The following CSMD3 variants were observed in gnomAD, a reference collection of about 807,000 sequenced individuals.
CSMD3 encodes the protein CUB and Sushi multiple domains 3, also known as CUB and sushi domain-containing protein 3.
Under a neutral mutation model 435.2 loss-of-function variants are expected in CSMD3, and 177 were observed. The observed-to-expected ratio is 0.41, with a 90% CI of 0.36 to 0.46. The LOEUF (loss-of-function observed/expected upper bound fraction) is 0.46, where lower values mean the gene tolerates loss of function less well. Ranked by LOEUF, CSMD3 falls within the 20% of genes least tolerant of loss-of-function variation. The probability of loss-of-function intolerance (pLI) is 0.34; values close to 1 mark genes in which losing one functional copy is unlikely to be tolerated. For synonymous variants in CSMD3, 1,656 were observed against 1,520.5 expected (o/e 1.09, Z -2.07); for missense variants, 4,265 against 4,504.6 (o/e 0.95, Z 1.52).
chr8:112,518,629 TGAGA>T (rs3080191), intron 27 of CSMD3, among the ~76,000 whole-genome samples: 2,103 of 124,158 alleles, frequency 0.017, 37 homozygotes, highest in African/African-American at 0.047. Context: ...TGTGTGTGTG[TGAGA>T]GAGAGAGAGA....
intron 2 of CSMD3, among the ~76,000 whole-genome samples, chr8:113,300,235 T>C (rs2093755389): frequency 6.6e-6 from 1 of 151,282 alleles, no homozygotes; most frequent in African/African-American, 2.4e-5. Context: ...TTCATGAGAA[T>C]GTAAATTAGT....
At chr8:113,348,844 T>G (rs544795983) in intron 1 of CSMD3, among the ~76,000 whole-genome samples, 59 of 152,102 alleles carry the variant, frequency 3.9e-4, no homozygotes, top group Non-Finnish European at 8.1e-4. Flanking sequence ...GTGTATAAAT[T>G]AAAATGTATT....
At chr8:112,710,719 A>C (rs2076592218) in intron 13 of CSMD3, among the ~76,000 whole-genome samples, 1 of 151,638 alleles carries the variant, frequency 6.6e-6, no homozygotes, top group Non-Finnish European at 1.5e-5. Context: ...TTTATACTTT[A>C]TACACATTTT....
intron 1 of CSMD3, among the ~76,000 whole-genome samples, chr8:113,338,856 A>T (rs2094097073): frequency 6.6e-6 from 1 of 151,974 alleles, no homozygotes; most frequent in African/African-American, 2.4e-5. Flanking sequence ...ACCTGGTTGC[A>T]TTTCTCTAAA....
chr8:112,400,323 G>A (rs1399111217), intron 35 of CSMD3, among the ~76,000 whole-genome samples: 1 of 152,024 alleles, frequency 6.6e-6, no homozygotes, highest in East Asian at 1.9e-4. Context: ...GCTTTTATGA[G>A]GACACTAATC....
At chr8:112,254,928 A>T (rs1312694611) in intron 62 of CSMD3, among the ~76,000 whole-genome samples, 1 of 152,092 alleles carries the variant, frequency 6.6e-6, no homozygotes, top group African/African-American at 2.4e-5. Flanking sequence ...AGCAAATCTA[A>T]TTTCATATGA....
At chr8:113,146,700 A>G (rs1184628196) in intron 4 of CSMD3, among the ~76,000 whole-genome samples, 1 of 151,634 alleles carries the variant, frequency 6.6e-6, no homozygotes, top group Non-Finnish European at 1.5e-5. Flanking sequence ...CTGGCACTAA[A>G]AACATATATT....
chr8:112,743,476 T>C (rs906878992), intron 13 of CSMD3, among the ~76,000 whole-genome samples: 13 of 151,828 alleles, frequency 8.6e-5, no homozygotes, highest in African/African-American at 3.1e-4. Context: ...AAGGCAGTCT[T>C]CAACAAGGAA....
At chr8:113,102,947 A>G (rs1334308047) in intron 4 of CSMD3, among the ~76,000 whole-genome samples, 1 of 152,168 alleles carries the variant, frequency 6.6e-6, no homozygotes, top group Non-Finnish European at 1.5e-5. Context: ...ATAAGAGAGG[A>G]AGGCCATAGC....
intron 24 of CSMD3, among the ~76,000 whole-genome samples, chr8:112,562,371 C>G (rs1327121867): frequency 6.6e-6 from 1 of 151,380 alleles, no homozygotes; most frequent in African/African-American, 2.4e-5. Context: ...AAGACTCTTA[C>G]TTGCTTTATT....
rs774080087 is a variant in CSMD3, at chr8:113,239,968, A to T, written c.514+38624T>A. ...TCATCACCCATATATCAAGCCTAGT[A>T]CTCATTAGTAATTTTTCCTGATCTT... On this transcript the variant is annotated intron_variant, in intron 3 of 70. Coordinates refer to ENST00000297405, the MANE Select transcript of CSMD3 (RefSeq NM_198123.2). 4.2e-4 allele frequency among the ~76,000 whole-genome samples: 63 copies of T among 151,724 alleles called. 1 individual carries two copies. Among genetic ancestry groups the T allele is most frequent in the Non-Finnish European group, 4.9e-4 (33 of 67,908 alleles).
chr8:112,919,586 C>CG (rs2082674521), intron 10 of CSMD3, among the ~76,000 whole-genome samples: 1 of 151,648 alleles, frequency 6.6e-6, no homozygotes, highest in Non-Finnish European at 1.5e-5. Context: ...TTTTCACATC[C>CG]ATTTTTGCTA....
chr8:113,108,426 CA>C (rs35981917), intron 4 of CSMD3, among the ~76,000 whole-genome samples: 388 of 129,722 alleles, frequency 3.0e-3, no homozygotes, highest in Middle Eastern at 8.6e-3. Flanking sequence ...GACGCCATCT[CA>C]AAAAAAAAAA....
rs377220109 is a variant in CSMD3, at chr8:113,142,962, T to C, written c.709+30760A>G. On this transcript the variant is annotated intron_variant, in intron 4 of 70. Coordinates refer to ENST00000297405, the MANE Select transcript of CSMD3 (RefSeq NM_198123.2). ...AAATCTTAACCTAAATCTCACATTT[T>C]ATTTTTAAAAAAATCTTCAAAATGA... 2.0e-5 allele frequency among the ~76,000 whole-genome samples: 3 copies of C among 150,752 alleles called. No individual in the cohort carries two copies. In the Admixed American group the frequency reaches 2.0e-4, roughly 10 times the overall value.
At chr8:113,259,652 A>T (rs1397645860) in intron 3 of CSMD3, among the ~76,000 whole-genome samples, 1 of 152,158 alleles carries the variant, frequency 6.6e-6, no homozygotes, top group Non-Finnish European at 1.5e-5. Flanking sequence ...TTACACAAGG[A>T]ATTTAAAGAA....
intron 35 of CSMD3, among the ~76,000 whole-genome samples, chr8:112,405,952 T>A (rs1831818689): frequency 6.6e-6 from 1 of 152,112 alleles, no homozygotes; most frequent in African/African-American, 2.4e-5. Flanking sequence ...GTGTATAAGA[T>A]CTGCCATTTG....
intron 3 of CSMD3, among the ~76,000 whole-genome samples, chr8:113,236,391 C>G (rs192417787): frequency 1.3e-5 from 2 of 152,232 alleles, no homozygotes; most frequent in Non-Finnish European, 2.9e-5. Flanking sequence ...GACTTGCTCT[C>G]AAATTCTTAG....
In CSMD3 at chr8:112,500,595, C is replaced by T. The variant is rs142581079; in HGVS notation, c.5083+3195G>A. On this transcript the variant is annotated intron_variant, in intron 30 of 70. Transcript: ENST00000297405. ...ATAGCCCAATCAGATGGTACTAAAT[C>T]AATGATAATGATACAGGAGTTAATA... 1.3e-3 allele frequency among the ~76,000 whole-genome samples: 192 copies of T among 152,216 alleles called. 1 individual carries two copies. Among genetic ancestry groups the T allele is most frequent in the African/African-American group, 4.6e-3 (190 of 41,534 alleles).
chr8:113,152,908 T>A (rs1008548104), intron 4 of CSMD3, among the ~76,000 whole-genome samples: 1 of 151,238 alleles, frequency 6.6e-6, no homozygotes, highest in Non-Finnish European at 1.5e-5. Flanking sequence ...GAGGCAGAGG[T>A]TGCAGTGAGC....
Sources: allele counts gnomAD v4.1 joint callset (sites outside exome capture counted in the v4.1 genomes callset), GRCh38; gene constraint gnomAD v4.1.1; transcripts MANE v1.5; gene names NCBI Gene and HGNC (gene_info 2026-07-23, HGNC 2026-07-21).